APBA2: variants seen among roughly 807,000 people sequenced by gnomAD.
APBA2 encodes amyloid beta precursor protein binding family A member 2.
Under a neutral mutation model 75.0 loss-of-function variants are expected in APBA2, and 30 were observed. That is an observed-to-expected ratio of 0.40 (90% CI 0.30 to 0.54). The LOEUF (loss-of-function observed/expected upper bound fraction) is 0.54, where lower values mean the gene tolerates loss of function less well. APBA2 is among the 20% of genes least tolerant of loss of function. APBA2 has a pLI of 0.49. For missense variants in APBA2, 801 were observed against 1,016.1 expected (o/e 0.79, Z 2.88); for synonymous variants, 444 against 409.6 (o/e 1.08, Z -1.01).
intron 1 of APBA2, among the ~76,000 whole-genome samples, chr15:28,900,174 C>G (rs1344247226): frequency 6.6e-6 from 1 of 152,202 alleles, no homozygotes. Context: ...GTCCTCCCAA[C>G]CCTTCTTCCC....
intron 1 of APBA2, among the ~76,000 whole-genome samples, chr15:28,901,570 C>A (rs192754274): frequency 6.6e-6 from 1 of 152,282 alleles, no homozygotes; most frequent in Non-Finnish European, 1.5e-5. Flanking sequence ...TGCTTTCCAG[C>A]TGCATCTCCC....
rs150240673 is a variant in APBA2 at position 29,099,465 on chromosome 15, T to C, written c.1338+889T>C. The stretch of plus-strand genomic sequence containing the variant: ...AAGTTGTGTCTACCAGGGAAGCTCA[T>C]AGACACTCAGCCCAAGGTGTTTACT... On this transcript the variant is annotated intron_variant, in intron 9 of 14. Transcript: ENST00000683413. Among the ~76,000 whole-genome samples, 12 of 152,316 alleles carry C rather than the reference T, an allele frequency of 7.9e-5. No individual in the cohort carries two copies. The East Asian group carries it at 2.1e-3, about 27-fold the overall frequency.
chr15:28,934,471 G>C (rs1287505299), intron 2 of APBA2, among the ~76,000 whole-genome samples: 1 of 152,150 alleles, frequency 6.6e-6, no homozygotes. Context: ...GAAAACTTTA[G>C]AGGCAGGACG....
At chr15:29,029,165 A>G (rs2152841480) in intron 3 of APBA2, among the ~76,000 whole-genome samples, 1 of 152,196 alleles carries the variant, frequency 6.6e-6, no homozygotes, top group East Asian at 1.9e-4. Flanking sequence ...TCTTTAATCC[A>G]TCTTGAGTTA....
At chr15:28,995,111 A>T (rs912596346) in intron 2 of APBA2, among the ~76,000 whole-genome samples, 2 of 152,092 alleles carry the variant, frequency 1.3e-5, no homozygotes, top group South Asian at 4.2e-4. Flanking sequence ...TGAATTCCTG[A>T]TCCAACCCAA....
chr15:29,089,295 G>A (rs574357582), intron 6 of APBA2, among the ~76,000 whole-genome samples: 9 of 152,326 alleles, frequency 5.9e-5, no homozygotes, highest in African/African-American at 2.2e-4. Context: ...TGTAAAATTG[G>A]GACCCTGAGA....
intron 3 of APBA2, among the ~76,000 whole-genome samples, chr15:29,007,077 A>G (rs1251302434): frequency 1.3e-5 from 2 of 152,232 alleles, no homozygotes; most frequent in Non-Finnish European, 2.9e-5. Flanking sequence ...GACGAAAGGA[A>G]TTGAGTAGAC....
intron 3 of APBA2, among the ~76,000 whole-genome samples, chr15:29,015,282 T>C (rs967175066): frequency 9.2e-5 from 14 of 152,206 alleles, no homozygotes; most frequent in Non-Finnish European, 1.9e-4. Flanking sequence ...TCCAGGGCAG[T>C]TGCAGAGTGA....
At chr15:29,106,480 G>A in intron 11 of APBA2, 127 bp from the exon 12 acceptor site, 2 of 1,092,616 alleles carry the variant, frequency 1.8e-6, no homozygotes, top group Non-Finnish European at 1.3e-6. Flanking sequence ...GCTGAGATGA[G>A]CCAGCCTTGG....
At chr15:28,944,527 A>T (rs540184426) in intron 2 of APBA2, among the ~76,000 whole-genome samples, 1 of 152,332 alleles carries the variant, frequency 6.6e-6, no homozygotes, top group East Asian at 1.9e-4. Flanking sequence ...GCTCCTCGCA[A>T]TACTGGCCAC....
chr15:28,903,575 C>T (rs914812052), intron 1 of APBA2, among the ~76,000 whole-genome samples: 1 of 152,308 alleles, frequency 6.6e-6, no homozygotes, highest in African/African-American at 2.4e-5. Flanking sequence ...CCAGGGAGGG[C>T]AGAGCTGCAG....
intron 3 of APBA2, among the ~76,000 whole-genome samples, chr15:29,013,314 C>G (rs991123727): frequency 2.6e-5 from 3 of 117,292 alleles, no homozygotes; most frequent in African/African-American, 6.8e-5. Flanking sequence ...GAGTCTTGCT[C>G]TTTCGCCCAG....
chr15:28,939,143 G>C (rs1395142718), intron 2 of APBA2, among the ~76,000 whole-genome samples: 1 of 152,082 alleles, frequency 6.6e-6, no homozygotes, highest in African/African-American at 2.4e-5. Context: ...ATTTCACTTC[G>C]CATGGTGTCC....
intron 2 of APBA2, among the ~76,000 whole-genome samples, chr15:28,978,013 C>T (rs545511731): frequency 3.9e-5 from 6 of 152,194 alleles, no homozygotes; most frequent in Non-Finnish European, 7.4e-5. Context: ...CATCTATTGT[C>T]CAAAGCCAAA....
chr15:29,059,926 C>T (rs1292428834), intron 4 of APBA2, among the ~76,000 whole-genome samples: 1 of 152,192 alleles, frequency 6.6e-6, no homozygotes, highest in Non-Finnish European at 1.5e-5. Context: ...GAGACACCAG[C>T]CAGCCTGGCC....
chr15:29,111,847 G>C (rs1255870630), intron 13 of APBA2, among the ~76,000 whole-genome samples: 2 of 152,176 alleles, frequency 1.3e-5, no homozygotes, highest in African/African-American at 4.8e-5. Context: ...GGGACCTCCA[G>C]GGAGCAATGA....
rs1174051613 is a variant in APBA2 at position 29,097,039 on chromosome 15, C to CA, written c.1252-1450dup. 3.3e-5 allele frequency among the ~76,000 whole-genome samples: 5 copies of CA among 152,342 alleles called. No individual in the cohort carries two copies. The East Asian group carries it at 7.7e-4, about 23-fold the overall frequency. On this transcript the variant is annotated intron_variant, in intron 8 of 14. Transcript: ENST00000683413. ...AGTGGCTACAGGTGACGAATTAGGC[C>CA]ATTTGTGTGGCACCTCTCTTGGCTT...
chr15:29,020,192 C>CAA (rs2039879944), intron 3 of APBA2, among the ~76,000 whole-genome samples: 1 of 150,712 alleles, frequency 6.6e-6, no homozygotes, highest in Non-Finnish European at 1.5e-5. Flanking sequence ...GGTATACAAG[C>CAA]AAAAAAAGGT....
intron 12 of APBA2, among the ~76,000 whole-genome samples, chr15:29,107,253 C>G (rs73370284): frequency 0.022 from 3,419 of 152,274 alleles, 125 homozygotes; most frequent in African/African-American, 0.077. Context: ...GACGCAGGTT[C>G]CCTTAAGTAA....
Sources: gnomAD v4.1 joint callset for allele counts (sites outside exome capture counted in the v4.1 genomes callset) on GRCh38, gnomAD v4.1.1 for gene constraint, MANE v1.5 for transcripts, NCBI Gene and HGNC (gene_info 2026-07-23, HGNC 2026-07-21) for gene names.